The following PPP2R5B variants were observed in gnomAD, a reference collection of about 807,000 sequenced individuals.
PPP2R5B encodes the protein serine/threonine-protein phosphatase 2A 56 kDa regulatory subunit beta isoform.
In PPP2R5B, 19 loss-of-function variants were observed where a neutral mutation model predicts 59.9. The observed-to-expected ratio is 0.32, with a 90% CI of 0.22 to 0.47. The LOEUF (loss-of-function observed/expected upper bound fraction) is 0.47. Ranked by LOEUF, PPP2R5B falls within the 20% of genes least tolerant of loss-of-function variation. The probability of loss-of-function intolerance (pLI) is 1.00; values close to 1 mark genes in which losing one functional copy is unlikely to be tolerated. For synonymous variants in PPP2R5B, 286 were observed against 260.5 expected, an observed-to-expected ratio of 1.10 and a Z score of -0.94; for missense variants, 441 against 640.2, an observed-to-expected ratio of 0.69 and a Z score of 3.36.
At chr11:64,917,752 C>T (rs1320065861) in intron 1 of PPP2R5B, 1 of 152,170 alleles carries the variant, frequency 6.6e-6, no homozygotes, top group African/African-American at 2.4e-5. Context: ...GGTAAGAAAA[C>T]AGATTAAGAT....
At chr11:64,932,978 G>C in intron 12 of PPP2R5B, 86 bp downstream of exon 12, 1 of 1,560,324 alleles carries the variant, frequency 6.4e-7, no homozygotes, top group Non-Finnish European at 8.8e-7. Flanking sequence ...CTCCTAGCTG[G>C]AGAATATCAG....
At chr11:64,927,703 T>C in intron 3 of PPP2R5B, 99 bp from the exon 4 acceptor site, 5 of 980,628 alleles carry the variant, frequency 5.1e-6, no homozygotes, top group Non-Finnish European at 7.8e-6. Context: ...CGAGACCCTG[T>C]CTTGGGAAAG....
intron 3 of PPP2R5B, 35 bp from the exon 4 acceptor site, chr11:64,927,767 G>A: frequency 6.7e-7 from 1 of 1,493,160 alleles, no homozygotes; most frequent in South Asian, 1.1e-5. Context: ...GTCTTCAAGG[G>A]CTTTTCCTTA....
At chr11:64,928,496 G>C (rs1045641515) in intron 6 of PPP2R5B, 71 bp downstream of exon 6, 29 of 1,601,866 alleles carry the variant, frequency 1.8e-5, no homozygotes, top group Non-Finnish European at 2.3e-5. Flanking sequence ...TGCGGCAAAG[G>C]CCATGTGCGG....
intron 12 of PPP2R5B, 47 bp from the exon 13 acceptor site, chr11:64,933,098 C>T (rs769915127): frequency 6.5e-7 from 1 of 1,545,202 alleles, no homozygotes; most frequent in Non-Finnish European, 8.9e-7. Flanking sequence ...GAGAGGTGGG[C>T]AAACCAAAGC....
intron 11 of PPP2R5B, among the ~76,000 whole-genome samples, chr11:64,932,435 C>A (rs1453015984): frequency 6.6e-6 from 1 of 152,184 alleles, no homozygotes; most frequent in Non-Finnish European, 1.5e-5. Flanking sequence ...TCTAGTATCT[C>A]ATTTGATTCT....
At chr11:64,926,995 T>C in intron 3 of PPP2R5B, 87 bp downstream of exon 3, 1 of 1,472,348 alleles carries the variant, frequency 6.8e-7, no homozygotes, top group South Asian at 1.3e-5. Context: ...GCGTGGAGAA[T>C]AACCCTGTAC....
At position 64,928,488 on chromosome 11, in the gene PPP2R5B, C is replaced by T. The variant is rs949948359; in HGVS notation, c.722+63C>T. On this transcript the variant is annotated intron_variant, in intron 6 of 13. Coordinates refer to ENST00000164133, the MANE Select transcript of PPP2R5B (RefSeq NM_006244.4). ...GGGTGAGAGGGCTGTTAGAAGACTGCGGCAAAGGCCATGTGCGGTGGCTCA... is the reference window on the plus strand; with the variant it reads ...GGGTGAGAGGGCTGTTAGAAGACTGTGGCAAAGGCCATGTGCGGTGGCTCA... 2.5e-5 allele frequency: 40 copies of T among 1,606,158 alleles called. No homozygotes were observed. The East Asian group carries it at 6.3e-4, about 25-fold the overall frequency.
rs1373886267 is a variant in PPP2R5B at position 64,931,070 on chromosome 11, A to G, written c.892-366A>G. On this transcript the variant is annotated intron_variant, in intron 8 of 13. Transcript: ENST00000164133. The surrounding 1 kb of genome is among the most constrained non-coding windows in gnomAD (Gnocchi z 5.0). Reference sequence around the variant, plus strand: ...AAAAAAATTTTTTTTTTGTAGAGACAGTGTCTTGCTATGTTACCTAGGCTG... The same window carrying G: ...AAAAAAATTTTTTTTTTGTAGAGACGGTGTCTTGCTATGTTACCTAGGCTG... 6.6e-6 allele frequency among the ~76,000 whole-genome samples: 1 copy of G among 151,992 alleles called. No homozygotes were observed. Among genetic ancestry groups the G allele is most frequent in the African/African-American group, 2.4e-5 (1 of 41,362 alleles).
At chr11:64,924,026 C>T (rs1372338592), upstream of PPP2R5B, among the ~76,000 whole-genome samples, 1 of 152,170 alleles carries the variant, frequency 6.6e-6, no homozygotes, top group Non-Finnish European at 1.5e-5. Context: ...CCGGGAAGGC[C>T]AGGCTGCCTG....
At chr11:64,932,420 A>G (rs1466435045) in intron 11 of PPP2R5B, among the ~76,000 whole-genome samples, 1 of 152,184 alleles carries the variant, frequency 6.6e-6, no homozygotes, top group Non-Finnish European at 1.5e-5. Context: ...TTAAACACCT[A>G]AAAGTCTAGT....
chr11:64,931,920 G>C lies in PPP2R5B; in HGVS notation c.1116+52G>C. 1 of 1,590,858 alleles carries C rather than the reference G, an allele frequency of 6.3e-7. No individual in the cohort carries two copies. The highest frequency in any genetic ancestry group is 1.1e-5 in the South Asian group (1 of 88,566). On this transcript the variant is annotated intron_variant, in intron 11 of 13. Coordinates refer to ENST00000164133, the MANE Select transcript of PPP2R5B (RefSeq NM_006244.4). This position sits in a 1 kb window ranked among gnomAD's most constrained non-coding sequence, Gnocchi z 5.0. ...GAGCAGGGCTGGCCTGGAAAGGTTGGGTAGCTGACCTAATAAAGCTCCCTT... is the reference window on the plus strand; with the variant it reads ...GAGCAGGGCTGGCCTGGAAAGGTTGCGTAGCTGACCTAATAAAGCTCCCTT...
rs186241222 is a variant in PPP2R5B, at chr11:64,931,061, T to G, written c.892-375T>G. Among the ~76,000 whole-genome samples, 74 of 152,180 alleles carry G rather than the reference T, an allele frequency of 4.9e-4. 2 individuals are homozygous for G. The East Asian group carries it at 0.01, about 21-fold the overall frequency. Reference sequence around the variant, plus strand: ...GGCTAATTAAAAAAAATTTTTTTTTTGTAGAGACAGTGTCTTGCTATGTTA... The same window carrying G: ...GGCTAATTAAAAAAAATTTTTTTTTGGTAGAGACAGTGTCTTGCTATGTTA... On this transcript the variant is annotated intron_variant, in intron 8 of 13. Coordinates refer to ENST00000164133, the MANE Select transcript of PPP2R5B (RefSeq NM_006244.4). This position sits in a 1 kb window ranked among gnomAD's most constrained non-coding sequence, Gnocchi z 5.0.
At chr11:64,926,020 G>GCCT in intron 2 of PPP2R5B, 87 bp downstream of exon 2, 2 of 1,367,842 alleles carry the variant, frequency 1.5e-6, no homozygotes, top group Non-Finnish European at 2.0e-6. Flanking sequence ...GCGGGCAGCT[G>GCCT]CCAAGAGAGA....
upstream of PPP2R5B, among the ~76,000 whole-genome samples, chr11:64,922,641 G>A (rs1288154973): frequency 6.6e-6 from 1 of 151,850 alleles, no homozygotes; most frequent in Admixed American, 6.5e-5. Context: ...TTGGGAGGCC[G>A]AGGTGGGCGG....
At position 64,930,545 on chromosome 11, in the gene PPP2R5B, A is replaced by C. The variant is rs757462485; in HGVS notation, c.847A>C (p.Ile283Leu). Residue 283 changes from isoleucine (I) to leucine (L), a missense_variant, in exon 8 of 14, where the codon ATC (isoleucine) becomes CTC (leucine). Around this residue, in one of 3 missense-constraint regions of PPP2R5B, gnomAD observed 268 missense variants for 488.1 expected, o/e 0.55. Coordinates refer to ENST00000164133, the MANE Select transcript of PPP2R5B (RefSeq NM_006244.4). ...CAAGCAGTTCCTGGTTCGCGTCCTG[A>C]TCCCCCTGCACTCTGTCAAGTCGCT... ...EHKQFLVRVL[I>L]PLHSVKSLSV... The C allele has an allele frequency of 1.4e-5, 23 of 1,613,988 alleles. No homozygotes were observed. In the Admixed American group the frequency reaches 3.3e-4, roughly 23 times the overall value.
chr11:64,928,659 T>C (rs112721913), intron 6 of PPP2R5B, among the ~76,000 whole-genome samples: 20,009 of 152,176 alleles, frequency 0.13, 2,539 homozygotes, highest in African/African-American at 0.34. Flanking sequence ...CACCTGTAAT[T>C]CCAGCTACTT....
intron 13 of PPP2R5B, 62 bp from the exon 14 acceptor site, chr11:64,933,635 G>A: frequency 6.7e-7 from 1 of 1,501,114 alleles, no homozygotes; most frequent in South Asian, 1.3e-5. Flanking sequence ...AGTCTGGACT[G>A]TGAGGGAGTC....
chr11:64,932,028 G>A (rs1341360382), intron 11 of PPP2R5B, among the ~76,000 whole-genome samples, 160 bp downstream of exon 11: 4 of 152,166 alleles, frequency 2.6e-5, no homozygotes, highest in Non-Finnish European at 4.4e-5. Context: ...GTGAAGCCTC[G>A]GACCTGCCTT....
Sources: allele counts gnomAD v4.1 joint callset (sites outside exome capture counted in the v4.1 genomes callset), GRCh38; gene constraint gnomAD v4.1.1; regional missense constraint gnomAD v4.1.1; non-coding constraint Gnocchi (gnomAD v3.1); transcripts MANE v1.5; gene names NCBI Gene and HGNC (gene_info 2026-07-23, HGNC 2026-07-21).